TRIOBP: variants seen among roughly 807,000 people sequenced by gnomAD.
TRIOBP encodes the protein TRIO and F-actin-binding protein.
A neutral mutation model predicts 238.8 loss-of-function variants in TRIOBP; 169 were observed. The observed-to-expected ratio is 0.71, with a 90% CI of 0.62 to 0.80. The LOEUF (loss-of-function observed/expected upper bound fraction) is 0.80. Ranked by LOEUF, TRIOBP falls within the 30% of genes least tolerant of loss-of-function variation. The pLI, the probability that TRIOBP is intolerant of heterozygous loss-of-function variation, is 0.00. For missense variants in TRIOBP, 2,838 were observed against 3,122.6 expected (o/e 0.91, Z 2.17); for synonymous variants, 1,150 against 1,274.4 (o/e 0.90, Z 2.08).
At chr22:37,711,645 AAGAC>A (rs900090889) in intron 4 of TRIOBP, among the ~76,000 whole-genome samples, 14 of 152,230 alleles carry the variant, frequency 9.2e-5, no homozygotes, top group Middle Eastern at 3.4e-3. Context: ...AAAAAAAACA[AAGAC>A]AGCTTTGTTA....
intron 10 of TRIOBP, 127 bp from the exon 11 acceptor site, chr22:37,740,768 A>C: frequency 7.3e-7 from 1 of 1,375,392 alleles, no homozygotes; most frequent in Non-Finnish European, 1.0e-6. Context: ...TTCTGGGAGG[A>C]GAGAAAGATG....
chr22:37,757,224 G>A (rs1318678593), intron 15 of TRIOBP, among the ~76,000 whole-genome samples: 5 of 152,160 alleles, frequency 3.3e-5, no homozygotes, highest in Admixed American at 2.6e-4. Flanking sequence ...TTAGCTGGGC[G>A]TGGTGGTGCA....
intron 12 of TRIOBP, among the ~76,000 whole-genome samples, chr22:37,753,865 A>G (rs1459736811): frequency 2.0e-5 from 3 of 152,146 alleles, no homozygotes; most frequent in African/African-American, 7.2e-5. Flanking sequence ...GGTGATATGC[A>G]CTGACCCTGG....
At chr22:37,754,595 C>T (rs959683893) in intron 12 of TRIOBP, among the ~76,000 whole-genome samples, 37 of 152,084 alleles carry the variant, frequency 2.4e-4, no homozygotes, top group Non-Finnish European at 5.9e-5. Flanking sequence ...TTACACAGGT[C>T]ATCACCCCTC....
chr22:37,769,755 GTC>G (rs1185451775), intron 21 of TRIOBP, among the ~76,000 whole-genome samples: 4 of 150,120 alleles, frequency 2.7e-5, no homozygotes, highest in African/African-American at 4.8e-5. Context: ...TTGAGACAGA[GTC>G]TCTCTCTGTC....
Position 37,725,230 on chromosome 22 carries a change from C to G in TRIOBP, c.2674C>G (p.Pro892Ala), listed in dbSNP as rs749092668. ...CCACCGCTCCACTCAATGGAACAAT[C>G]CCAGGAATTCATCTCCCCATCGTAC... Reference protein sequence around the residue: ...SPHRSTQWNNPRNSSPHRTNK... With the variant: ...SPHRSTQWNNARNSSPHRTNK... Residue 892 changes from proline to alanine, a missense_variant, in exon 7 of 24, where the codon CCC (proline) becomes GCC (alanine). This residue lies in a region of TRIOBP where 2,096 missense variants were observed against 2,137.4 expected (regional missense o/e 0.98). Transcript: ENST00000644935. 55 of 1,613,974 alleles carry G rather than the reference C, an allele frequency of 3.4e-5. No individual in the cohort carries two copies. The highest frequency in any genetic ancestry group is 4.4e-5 in the Non-Finnish European group (52 of 1,180,036).
chr22:37,703,567 C>T (rs1012544554), intron 3 of TRIOBP, among the ~76,000 whole-genome samples: 1 of 143,956 alleles, frequency 6.9e-6, no homozygotes, highest in Non-Finnish European at 1.5e-5. Flanking sequence ...TACAGTGGTG[C>T]GATCTGGGCT....
At position 37,755,279 on chromosome 22, in the gene TRIOBP, T is replaced by C. The variant is rs1481463298; in HGVS notation, c.5577+89T>C. The C allele has an allele frequency of 8.3e-6, 11 of 1,324,216 alleles. No individual in the cohort carries two copies. In the African/African-American group the frequency reaches 1.5e-4, roughly 18 times the overall value. The allele number at this position is 1,324,216 out of a possible 1,614,324, so 82.0% of individuals were successfully genotyped here. ...TTTTGGTGTTGAACATGGCTCACCATGGAGACTGGATCCCTTCACTCATTT... is the reference window on the plus strand; with the variant it reads ...TTTTGGTGTTGAACATGGCTCACCACGGAGACTGGATCCCTTCACTCATTT... On this transcript the variant is annotated intron_variant, in intron 14 of 23. Transcript: ENST00000644935.
rs111449328 is a variant in TRIOBP, at chr22:37,707,162, G to A, written c.115-3265G>A. The stretch of plus-strand genomic sequence containing the variant: ...GTGGTGGCGGATGCCTGTAATCCCA[G>A]CTACTCGGGAGGCTGAGGCAGGAGA... On this transcript the variant is annotated intron_variant, in intron 3 of 23. Coordinates refer to ENST00000644935, the MANE Select transcript of TRIOBP (RefSeq NM_001039141.3). Among the ~76,000 whole-genome samples, 600 of 152,304 alleles carry A rather than the reference G, an allele frequency of 3.9e-3. 3 individuals are homozygous for A. The highest frequency in any genetic ancestry group is 0.013 in the African/African-American group (560 of 41,574).
chr22:37,719,189 T>A (rs1402939520), intron 6 of TRIOBP, among the ~76,000 whole-genome samples: 1 of 122,898 alleles, frequency 8.1e-6, no homozygotes, highest in Non-Finnish European at 1.7e-5. Flanking sequence ...GGCAACAGAA[T>A]AAGACTCCAT....
At chr22:37,755,345 A>C in intron 14 of TRIOBP, 155 bp downstream of exon 14, 1 of 936,310 alleles carries the variant, frequency 1.1e-6, no homozygotes, top group Non-Finnish European at 1.7e-6. Context: ...TGTGATGCCA[A>C]CACTTAGCAT....
At chr22:37,732,572 C>T (rs1924479665) in intron 7 of TRIOBP, among the ~76,000 whole-genome samples, 1 of 149,760 alleles carries the variant, frequency 6.7e-6, no homozygotes, top group African/African-American at 2.5e-5. Flanking sequence ...CTGAAGTTGT[C>T]AGGGAGAATG....
At chr22:37,756,766 C>T (rs1456801182) in intron 15 of TRIOBP, among the ~76,000 whole-genome samples, 1 of 150,690 alleles carries the variant, frequency 6.6e-6, no homozygotes, top group African/African-American at 2.5e-5. Context: ...TAGTTTTTGG[C>T]AGGGTGACCA....
At chr22:37,741,350 G>C (rs376779056) in intron 11 of TRIOBP, among the ~76,000 whole-genome samples, 1 of 152,194 alleles carries the variant, frequency 6.6e-6, no homozygotes, top group Admixed American at 6.5e-5. Context: ...AGCCAGGTAT[G>C]GGGGAAGGGA....
intron 4 of TRIOBP, among the ~76,000 whole-genome samples, chr22:37,710,884 G>A (rs771330290): frequency 2.0e-5 from 3 of 152,200 alleles, no homozygotes; most frequent in Non-Finnish European, 4.4e-5. Context: ...GTGTGTGGCT[G>A]CTGTACACTC....
intron 5 of TRIOBP, 73 bp from the exon 6 acceptor site, chr22:37,715,690 C>T (rs1385992045): frequency 1.4e-5 from 21 of 1,539,534 alleles, no homozygotes; most frequent in East Asian, 2.3e-5. Flanking sequence ...TTCTGCCCCT[C>T]TCATTTGGAG....
intron 7 of TRIOBP, among the ~76,000 whole-genome samples, chr22:37,732,456 G>A (rs1458896207): frequency 7.1e-6 from 1 of 141,116 alleles, no homozygotes; most frequent in Non-Finnish European, 1.5e-5. Context: ...GTTGCAGTGA[G>A]CCGAGATCGC....
chr22:37,715,972 C>T lies in TRIOBP; in HGVS notation c.628+38C>T, dbSNP rs776582448. ...GCCAGGTTGGTTCCCATGGTGATGGCCTGGGGCCCCCCAGATAGCCATCTC... is the reference window on the plus strand; with the variant it reads ...GCCAGGTTGGTTCCCATGGTGATGGTCTGGGGCCCCCCAGATAGCCATCTC... On this transcript the variant is annotated intron_variant, in intron 6 of 23. Transcript: ENST00000644935. 2.5e-6 allele frequency: 4 copies of T among 1,609,622 alleles called. No individual in the cohort carries two copies. The South Asian group carries it at 3.3e-5, about 13-fold the overall frequency.
chr22:37,730,132 C>CA (rs1361191360), intron 7 of TRIOBP, among the ~76,000 whole-genome samples: 1 of 152,142 alleles, frequency 6.6e-6, no homozygotes, highest in African/African-American at 2.4e-5. Context: ...ACCTAGCCTT[C>CA]ACTGGATTTG....
Sources: gnomAD v4.1 joint callset for allele counts (sites outside exome capture counted in the v4.1 genomes callset) on GRCh38, gnomAD v4.1.1 for gene constraint, gnomAD v4.1.1 regional missense constraint, MANE v1.5 for transcripts, NCBI Gene and HGNC (gene_info 2026-07-23, HGNC 2026-07-21) for gene names.